The following DMRT1 variants were observed in gnomAD, a reference collection of about 807,000 sequenced individuals.
The protein encoded by DMRT1 is doublesex and mab-3 related transcription factor 1, also known as doublesex- and mab-3-related transcription factor 1.
In DMRT1, 7 loss-of-function variants were observed where a neutral mutation model predicts 32.3. That is an observed-to-expected ratio of 0.22 (90% confidence interval 0.12 to 0.41). DMRT1 has a LOEUF of 0.41. Among genes scored for constraint, DMRT1 ranks in the 10% least tolerant of loss-of-function variants. The probability of loss-of-function intolerance (pLI) is 1.00; values close to 1 mark genes in which losing one functional copy is unlikely to be tolerated. For synonymous variants in DMRT1, 278 were observed against 206.1 expected (o/e 1.35, Z -2.99); for missense variants, 625 against 500.5 (o/e 1.25, Z -2.37).
chr9:856,212 C>T (rs534552538), intron 2 of DMRT1, among the ~76,000 whole-genome samples: 16 of 152,230 alleles, frequency 1.1e-4, no homozygotes, highest in South Asian at 4.1e-4. Context: ...CCACCGCGCC[C>T]GGTGACCTCT....
At chr9:903,662 C>G (rs1039346988) in intron 3 of DMRT1, among the ~76,000 whole-genome samples, 2 of 152,130 alleles carry the variant, frequency 1.3e-5, no homozygotes, top group African/African-American at 4.8e-5. Context: ...TTAGGAATAT[C>G]CCGTAGCTAC....
intron 4 of DMRT1, among the ~76,000 whole-genome samples, chr9:934,039 T>C (rs1312232841): frequency 6.7e-6 from 1 of 148,672 alleles, no homozygotes; most frequent in Non-Finnish European, 1.5e-5. Context: ...AAAAAAAAGA[T>C]GATGAAAGTG....
At chr9:884,812 A>G (rs972362259) in intron 2 of DMRT1, among the ~76,000 whole-genome samples, 1 of 152,122 alleles carries the variant, frequency 6.6e-6, no homozygotes, top group Non-Finnish European at 1.5e-5. Context: ...TCTACTAAAA[A>G]TAGAAAAATT....
intron 2 of DMRT1, among the ~76,000 whole-genome samples, chr9:879,913 A>C (rs1816662535): frequency 6.6e-6 from 1 of 152,242 alleles, no homozygotes; most frequent in Admixed American, 6.5e-5. Flanking sequence ...AATACCAGAA[A>C]ATCACATTCA....
chr9:851,085 T>C (rs1314610815), intron 2 of DMRT1, among the ~76,000 whole-genome samples: 1 of 150,564 alleles, frequency 6.6e-6, no homozygotes. Flanking sequence ...TTTGAAGTTA[T>C]GCAGTGAGAG....
At chr9:884,804 T>C (rs912950857) in intron 2 of DMRT1, among the ~76,000 whole-genome samples, 1 of 152,064 alleles carries the variant, frequency 6.6e-6, no homozygotes, top group Non-Finnish European at 1.5e-5. Flanking sequence ...ACCCCGTCTC[T>C]ACTAAAAATA....
intron 3 of DMRT1, among the ~76,000 whole-genome samples, chr9:903,828 C>A (rs1817676146): frequency 6.6e-6 from 1 of 152,266 alleles, no homozygotes; most frequent in South Asian, 2.1e-4. Flanking sequence ...ACCTGGGCAT[C>A]CTAAGGGATT....
chr9:935,298 G>A (rs933599934), intron 4 of DMRT1, among the ~76,000 whole-genome samples: 1 of 152,202 alleles, frequency 6.6e-6, no homozygotes, highest in African/African-American at 2.4e-5. Flanking sequence ...AGAGCTAACA[G>A]CAGATTGGCA....
intron 4 of DMRT1, among the ~76,000 whole-genome samples, chr9:953,571 AT>A (rs1819500240): frequency 6.6e-6 from 1 of 151,814 alleles, no homozygotes; most frequent in African/African-American, 2.4e-5. Flanking sequence ...AAGCTGACCC[AT>A]TCTTGAGGTT....
In DMRT1 at chr9:916,799, C is replaced by T. The variant is rs1376311274; in HGVS notation, c.859C>T (p.Gln287Ter). The part of the protein sequence containing the change: ...NMENRHAMSS[Q>*]YRMHSYYPPP... The stretch of plus-strand genomic sequence containing the variant: ...GGAGAACCGCCATGCAATGAGCTCC[C>T]AGTACAGGATGCATTCTTACTACCC... Residue 287 changes from glutamine to a stop codon, truncating the protein, a stop_gained, in exon 4 of 5, where the codon CAG becomes TAG. Transcript: ENST00000382276. LOFTEE classifies it high-confidence loss of function. 1 of 1,614,178 alleles carries T rather than the reference C, an allele frequency of 6.2e-7. No homozygotes were observed. Among genetic ancestry groups the T allele is most frequent in the Non-Finnish European group, 8.5e-7 (1 of 1,180,036 alleles).
At chr9:850,566 G>C (rs1301007094) in intron 2 of DMRT1, among the ~76,000 whole-genome samples, 1 of 152,146 alleles carries the variant, frequency 6.6e-6, no homozygotes, top group Non-Finnish European at 1.5e-5. Context: ...GTCATTCCAG[G>C]ATGATTTACT....
At chr9:865,188 T>C (rs1018616563) in intron 2 of DMRT1, among the ~76,000 whole-genome samples, 1 of 152,204 alleles carries the variant, frequency 6.6e-6, no homozygotes, top group Non-Finnish European at 1.5e-5. Flanking sequence ...TTCTCGAATA[T>C]TGAAGACACC....
At chr9:921,606 CA>C (rs1396296999) in intron 4 of DMRT1, among the ~76,000 whole-genome samples, 3 of 152,052 alleles carry the variant, frequency 2.0e-5, no homozygotes, top group Non-Finnish European at 4.4e-5. Flanking sequence ...ATATTCTTAC[CA>C]TAGTATATGA....
At chr9:901,337 T>G (rs1156290265) in intron 3 of DMRT1, among the ~76,000 whole-genome samples, 1 of 149,554 alleles carries the variant, frequency 6.7e-6, no homozygotes, top group Non-Finnish European at 1.5e-5. Context: ...GTGTTTGTTT[T>G]TTATTGTGAG....
At chr9:872,364 A>G (rs6477321) in intron 2 of DMRT1, among the ~76,000 whole-genome samples, 21,271 of 152,194 alleles carry the variant, frequency 0.14, 1,637 homozygotes, top group Middle Eastern at 0.2. Context: ...CCCGGCCAAA[A>G]CTCACTATCT....
intron 2 of DMRT1, among the ~76,000 whole-genome samples, chr9:862,257 C>A (rs10977183): frequency 1.3e-5 from 2 of 151,784 alleles, no homozygotes; most frequent in Non-Finnish European, 2.9e-5. Flanking sequence ...CCCGGCACCT[C>A]GGGAGGCCGA....
chr9:849,444 T>C (rs1410431131), intron 2 of DMRT1, among the ~76,000 whole-genome samples: 1 of 152,160 alleles, frequency 6.6e-6, no homozygotes, highest in East Asian at 1.9e-4. Flanking sequence ...CAGTGACGGA[T>C]CAGTGTCAAT....
chr9:934,691 C>T (rs1384057643), intron 4 of DMRT1, among the ~76,000 whole-genome samples: 2 of 152,152 alleles, frequency 1.3e-5, no homozygotes, highest in African/African-American at 2.4e-5. Flanking sequence ...AAGAGTCCAG[C>T]TTCATTCTTT....
At chr9:851,971 A>T (rs565991269) in intron 2 of DMRT1, among the ~76,000 whole-genome samples, 41 of 146,240 alleles carry the variant, frequency 2.8e-4, no homozygotes, top group Non-Finnish European at 5.4e-4. Flanking sequence ...AGACAGTCTC[A>T]CTCTGTCGCT....
Sources: gnomAD v4.1 joint callset for allele counts (sites outside exome capture counted in the v4.1 genomes callset) on GRCh38, gnomAD v4.1.1 for gene constraint, MANE v1.5 for transcripts, NCBI Gene and HGNC (gene_info 2026-07-23, HGNC 2026-07-21) for gene names.